GYG1: variants seen among roughly 807,000 people sequenced by gnomAD.
The protein encoded by GYG1 is glycogenin-1.
GYG1 carries 44 observed loss-of-function variants against 41.9 expected under a neutral mutation model. That is an observed-to-expected ratio of 1.05 (90% confidence interval 0.83 to 1.35). The LOEUF (loss-of-function observed/expected upper bound fraction) is 1.35. GYG1 is among the 40% of genes most tolerant of loss of function. The pLI is 0.00. For synonymous variants in GYG1, 141 were observed against 158.1 expected (o/e 0.89, Z 0.81); for missense variants, 429 against 418.9 (o/e 1.02, Z -0.21).
chr3:149,016,379 G>C lies in GYG1; in HGVS notation c.608+6977G>C, dbSNP rs1351206326. On this transcript the variant is annotated intron_variant, in intron 5 of 7. Transcript: ENST00000345003. The stretch of plus-strand genomic sequence containing the variant: ...TGCTTGTAGGCAGGTGTTATGTTTT[G>C]GCTGAATGAATGAATGAGCAATCAG... 2.0e-5 allele frequency among the ~76,000 whole-genome samples: 3 copies of C among 151,760 alleles called. No homozygotes were observed. In the East Asian group the frequency reaches 5.8e-4, roughly 29 times the overall value.
intron 5 of GYG1, among the ~76,000 whole-genome samples, chr3:149,016,373 T>C (rs1227667891): frequency 1.3e-5 from 2 of 151,430 alleles, no homozygotes; most frequent in Admixed American, 6.6e-5. Context: ...GCAGGTGTTA[T>C]GTTTTGGCTG....
chr3:148,994,401 G>A, intron 2 of GYG1, 124 bp downstream of exon 2: 1 of 1,005,166 alleles, frequency 9.9e-7, no homozygotes, highest in Non-Finnish European at 1.6e-6. Context: ...AGAAAAATGA[G>A]AGATGCTGAG....
rs1298961804 is a variant in GYG1 at position 149,024,088 on chromosome 3, G to A, written c.644G>A (p.Gly215Glu). 1 of 1,614,138 alleles carries A rather than the reference G, an allele frequency of 6.2e-7. No individual in the cohort carries two copies. Among genetic ancestry groups the A allele is most frequent in the East Asian group, 2.2e-5 (1 of 44,882 alleles). Reference protein sequence around the residue: ...GASAKVVHFLGRVKPWNYTYD... With the variant: ...GASAKVVHFLERVKPWNYTYD... ...AGTGCCAAAGTTGTGCATTTCCTGG[G>A]ACGAGTCAAACCATGGAATTATACT... Residue 215 changes from glycine to glutamate, a missense_variant, in exon 6 of 8, where the codon GGA becomes GAA. Transcript: ENST00000345003.
intron 5 of GYG1, among the ~76,000 whole-genome samples, chr3:149,016,603 T>C (rs1258844144): frequency 6.6e-6 from 1 of 152,154 alleles, no homozygotes; most frequent in African/African-American, 2.4e-5. Context: ...ATTGGGAGGA[T>C]TAGTTTGCAA....
rs964983957 is a variant in GYG1, at chr3:149,029,115, A to G, written c.*2182A>G. Among the ~76,000 whole-genome samples, 1 of 152,240 alleles carries G rather than the reference A, an allele frequency of 6.6e-6. No homozygotes were observed. Among genetic ancestry groups the G allele is most frequent in the Non-Finnish European group, 1.5e-5 (1 of 68,042 alleles). ...TAAGACATAGCATATAATGCTGTCAAGTTATTTGGCTAGAAAATCACTGAA... is the reference window on the plus strand; with the variant it reads ...TAAGACATAGCATATAATGCTGTCAGGTTATTTGGCTAGAAAATCACTGAA... On this transcript the variant is annotated 3_prime_UTR_variant, in exon 8 of 8. Transcript: ENST00000345003.
rs775590691 is a variant in GYG1 at position 148,996,409 on chromosome 3, T to C, written c.251T>C (p.Leu84Pro). 87 of 1,613,726 alleles carry C rather than the reference T, an allele frequency of 5.4e-5. 1 individual carries two copies. In the South Asian group the frequency reaches 9.3e-4, roughly 17 times the overall value. Reference sequence around the variant, plus strand: ...AAGAGGCCAGAGTTGGGTGTCACGCTGACAAAGCTCCACTGCTGGTCGCTT... The same window carrying C: ...AAGAGGCCAGAGTTGGGTGTCACGCCGACAAAGCTCCACTGCTGGTCGCTT... ...LMKRPELGVTLTKLHCWSLTQ... is the reference protein window; with the variant it reads ...LMKRPELGVTPTKLHCWSLTQ... Residue 84 changes from leucine (L) to proline (P), a missense_variant, in exon 3 of 8, where the codon CTG (leucine) becomes CCG (proline). Physicochemically the swap from Leu to Pro is moderately conservative, Grantham distance 98. Coordinates refer to ENST00000345003, the MANE Select transcript of GYG1 (RefSeq NM_004130.4).
At chr3:149,000,008 C>T (rs1713005279) in intron 4 of GYG1, among the ~76,000 whole-genome samples, 1 of 152,228 alleles carries the variant, frequency 6.6e-6, no homozygotes, top group East Asian at 1.9e-4. Context: ...TGACAAGCCA[C>T]ACAGGCTGTT....
chr3:149,009,683 A>G lies in GYG1; in HGVS notation c.608+281A>G, dbSNP rs373598862. On this transcript the variant is annotated intron_variant, in intron 5 of 7. Transcript: ENST00000345003. Reference sequence around the variant, plus strand: ...AGTTATTAATATGTCATGGTCAAAAACACAGACTCTTAAGCTCTGCAGACT... The same window carrying G: ...AGTTATTAATATGTCATGGTCAAAAGCACAGACTCTTAAGCTCTGCAGACT... 3.8e-4 allele frequency among the ~76,000 whole-genome samples: 58 copies of G among 152,262 alleles called. 1 individual carries two copies. Among genetic ancestry groups the G allele is most frequent in the African/African-American group, 1.4e-3 (58 of 41,540 alleles).
intron 5 of GYG1, among the ~76,000 whole-genome samples, chr3:149,013,121 G>A (rs1043007151): frequency 6.6e-6 from 1 of 151,998 alleles, no homozygotes; most frequent in Non-Finnish European, 1.5e-5. Flanking sequence ...CCAAAGTGCT[G>A]GGATTACAGG....
rs1156781028 is a variant in GYG1, at chr3:148,991,602, C to G, written c.-39C>G. ...GGTGCCGGCTTCTCTGAGTCACCAA[C>G]CTGAGGCTGCCCCGGCCGCCTGCGC... On this transcript the variant is annotated 5_prime_UTR_variant, in exon 1 of 8. Transcript: ENST00000345003. 1 of 1,554,184 alleles carries G rather than the reference C, an allele frequency of 6.4e-7. No homozygotes were observed. The highest frequency in any genetic ancestry group is 8.6e-7 in the Non-Finnish European group (1 of 1,158,540).
At chr3:149,018,636 G>C (rs146858955) in intron 5 of GYG1, among the ~76,000 whole-genome samples, 3 of 152,178 alleles carry the variant, frequency 2.0e-5, no homozygotes, top group Non-Finnish European at 4.4e-5. Context: ...GGGCTCTTGG[G>C]CTGGTCTAAA....
intron 6 of GYG1, among the ~76,000 whole-genome samples, chr3:149,025,719 G>A (rs1021279894): frequency 4.6e-5 from 7 of 152,102 alleles, no homozygotes; most frequent in Admixed American, 3.9e-4. Flanking sequence ...TCAAACGCAG[G>A]TCTGAAGAGA....
intron 4 of GYG1, among the ~76,000 whole-genome samples, chr3:149,002,115 C>T (rs1033973136): frequency 1.2e-4 from 19 of 152,168 alleles, no homozygotes; most frequent in Admixed American, 7.2e-4. Flanking sequence ...AAGGGTTCCT[C>T]TCACCTATAT....
intron 4 of GYG1, among the ~76,000 whole-genome samples, chr3:149,004,462 G>A (rs1713283269): frequency 6.6e-6 from 1 of 152,180 alleles, no homozygotes; most frequent in Non-Finnish European, 1.5e-5. Context: ...CTAAAGAGAG[G>A]ATATTGGTAA....
At chr3:149,023,911 G>C (rs2107921460) in intron 5 of GYG1, 142 bp from the exon 6 acceptor site, 1 of 714,286 alleles carries the variant, frequency 1.4e-6, no homozygotes, top group South Asian at 1.5e-5. Context: ...GAACTGTCAT[G>C]CTACTGCACT....
chr3:149,024,877 T>A (rs751866017), intron 6 of GYG1, among the ~76,000 whole-genome samples: 2 of 152,240 alleles, frequency 1.3e-5, no homozygotes, highest in Non-Finnish European at 2.9e-5. Context: ...TTTGTTCTTA[T>A]GAAAGAATTG....
In GYG1 at chr3:149,027,240, T is replaced by A; in HGVS notation, c.*307T>A. 2.5e-6 allele frequency: 1 copy of A among 393,066 alleles called. No homozygotes were observed. Among genetic ancestry groups the A allele is most frequent in the Non-Finnish European group, 4.7e-6 (1 of 213,988 alleles). The allele number at this position is 393,066 out of a possible 1,614,324, so 24.3% of individuals were successfully genotyped here. A position where few individuals can be genotyped will look rare whatever the true frequency, so the allele number is the denominator to read the frequency against. On this transcript the variant is annotated 3_prime_UTR_variant, in exon 8 of 8. Transcript: ENST00000345003. ...ATATTAAGATGGCTGTATCAGTTCT[T>A]AAAATCTGCAGAGCCTGGTTCAAAA...
At chr3:149,019,250 TTCTGAG>T (rs1197490323) in intron 5 of GYG1, among the ~76,000 whole-genome samples, 1 of 152,178 alleles carries the variant, frequency 6.6e-6, no homozygotes, top group East Asian at 1.9e-4. Flanking sequence ...GCCTTCACAC[TTCTGAG>T]TCTGTTTCAA....
intron 2 of GYG1, among the ~76,000 whole-genome samples, chr3:148,995,991 C>A (rs899794758): frequency 6.6e-6 from 1 of 152,200 alleles, no homozygotes; most frequent in Non-Finnish European, 1.5e-5. Context: ...ATTTCCACAA[C>A]CTGCCTGCTA....
Sources: gnomAD v4.1 joint callset for allele counts (sites outside exome capture counted in the v4.1 genomes callset) on GRCh38, gnomAD v4.1.1 for gene constraint, MANE v1.5 for transcripts, NCBI Gene and HGNC (gene_info 2026-07-23, HGNC 2026-07-21) for gene names.